CSMD1: variants seen among roughly 807,000 people sequenced by gnomAD.
The protein encoded by CSMD1 is CUB and sushi domain-containing protein 1.
CSMD1 carries 213 observed loss-of-function variants against 417.5 expected under a neutral mutation model. The observed-to-expected ratio is 0.51, with a 90% CI of 0.46 to 0.57. The LOEUF is 0.57. Ranked by LOEUF, CSMD1 falls within the 20% of genes least tolerant of loss-of-function variation. The pLI, the probability that CSMD1 is intolerant of heterozygous loss-of-function variation, is 0.00. For synonymous variants in CSMD1, 2,862 were observed against 1,736.8 expected, an observed-to-expected ratio of 1.65 and a Z score of -16.11; for missense variants, 6,923 against 4,529.7, an observed-to-expected ratio of 1.53 and a Z score of -15.17.
intron 50 of CSMD1, among the ~76,000 whole-genome samples, chr8:3,031,742 G>C (rs1216357239): frequency 6.6e-6 from 1 of 151,870 alleles, no homozygotes; most frequent in Non-Finnish European, 1.5e-5. Context: ...ACAATTTTTT[G>C]AGCTGATACC....
At chr8:4,631,836 G>A (rs894001448) in intron 2 of CSMD1, among the ~76,000 whole-genome samples, 8 of 152,136 alleles carry the variant, frequency 5.3e-5, no homozygotes, top group African/African-American at 1.9e-4. Flanking sequence ...CGACGAACTC[G>A]AGATAAATGC....
chr8:4,450,028 G>A (rs1439633803), intron 2 of CSMD1, among the ~76,000 whole-genome samples: 1 of 152,146 alleles, frequency 6.6e-6, no homozygotes, highest in Admixed American at 6.6e-5. Flanking sequence ...TGGGTGTCCT[G>A]TCCTTGATGA....
At chr8:4,660,913 A>G (rs1023828508) in intron 1 of CSMD1, among the ~76,000 whole-genome samples, 1 of 152,212 alleles carries the variant, frequency 6.6e-6, no homozygotes. Context: ...AACTACAATG[A>G]GATATCACTT....
At chr8:4,329,199 G>A (rs1799727138) in intron 3 of CSMD1, among the ~76,000 whole-genome samples, 1 of 152,118 alleles carries the variant, frequency 6.6e-6, no homozygotes, top group South Asian at 2.1e-4. Context: ...GTATAGAGAT[G>A]TTTCCAATAC....
chr8:3,236,324 C>G (rs1320506978), intron 26 of CSMD1, among the ~76,000 whole-genome samples: 14 of 151,960 alleles, frequency 9.2e-5, no homozygotes, highest in African/African-American at 3.4e-4. Flanking sequence ...ACTACTAAGG[C>G]TTACTTAAGT....
chr8:4,360,553 G>A (rs568909416), intron 3 of CSMD1, among the ~76,000 whole-genome samples: 1 of 152,098 alleles, frequency 6.6e-6, no homozygotes, highest in Non-Finnish European at 1.5e-5. Flanking sequence ...GCAGTGGCGC[G>A]ATCTCGGCTC....
chr8:4,315,820 T>G, intron 3 of CSMD1, among the ~76,000 whole-genome samples: 1 of 152,176 alleles, frequency 6.6e-6, no homozygotes, highest in Non-Finnish European at 1.5e-5. Context: ...TCTTTATTCT[T>G]CAGAAGCGTT....
chr8:2,989,527 T>C (rs1358166405), intron 54 of CSMD1, among the ~76,000 whole-genome samples: 7 of 152,212 alleles, frequency 4.6e-5, no homozygotes, highest in East Asian at 1.9e-4. Context: ...AGTTTGTTTC[T>C]ATTTTTCTAG....
intron 7 of CSMD1, among the ~76,000 whole-genome samples, chr8:3,675,911 A>C (rs1358038160): frequency 6.6e-6 from 1 of 152,188 alleles, no homozygotes; most frequent in Non-Finnish European, 1.5e-5. Context: ...CTCTCTCAGC[A>C]CTGTCCCATC....
chr8:3,752,689 A>AC (rs1316031105), intron 6 of CSMD1, among the ~76,000 whole-genome samples: 12 of 66,322 alleles, frequency 1.8e-4, no homozygotes, highest in African/African-American at 3.5e-4. Flanking sequence ...AAAAAAAAAA[A>AC]AAAAAAAAAA....
chr8:4,213,004 C>G (rs1007756783), intron 3 of CSMD1, among the ~76,000 whole-genome samples: 14 of 152,158 alleles, frequency 9.2e-5, no homozygotes, highest in African/African-American at 3.1e-4. Context: ...GCCTCTCAGT[C>G]TTTGTTTTCT....
chr8:3,784,195 G>A (rs929785146), intron 5 of CSMD1, among the ~76,000 whole-genome samples: 6 of 152,122 alleles, frequency 3.9e-5, no homozygotes. Context: ...CTTGGGAAAG[G>A]GGTGGGTACC....
At chr8:3,245,459 G>T (rs1263163198) in intron 26 of CSMD1, among the ~76,000 whole-genome samples, 2 of 152,188 alleles carry the variant, frequency 1.3e-5, no homozygotes, top group African/African-American at 4.8e-5. Flanking sequence ...TACTTTCTCA[G>T]TTCCTTTGAA....
intron 32 of CSMD1, among the ~76,000 whole-genome samples, chr8:3,200,690 G>T (rs1018124510): frequency 1.3e-5 from 2 of 152,062 alleles, no homozygotes; most frequent in Non-Finnish European, 2.9e-5. Flanking sequence ...AGAGGACAAT[G>T]TGTTACTAAT....
At chr8:3,555,491 G>A (rs748493503) in intron 10 of CSMD1, among the ~76,000 whole-genome samples, 1 of 152,154 alleles carries the variant, frequency 6.6e-6, no homozygotes, top group Non-Finnish European at 1.5e-5. Flanking sequence ...ATGCTGACAG[G>A]TTTAAATTCT....
At chr8:3,998,147 C>T (rs191046822) in intron 4 of CSMD1, 37 bp from the exon 5 acceptor site, 111 of 1,524,594 alleles carry the variant, frequency 7.3e-5, no homozygotes, top group East Asian at 2.5e-5. Flanking sequence ...CATCACATTT[C>T]AGGATGGTTT....
At chr8:4,691,911 ATTT>A (rs956441996) in intron 1 of CSMD1, among the ~76,000 whole-genome samples, 2 of 152,144 alleles carry the variant, frequency 1.3e-5, no homozygotes, top group African/African-American at 4.8e-5. Context: ...GTTTGGGGAC[ATTT>A]TCTCCTCACT....
intron 2 of CSMD1, among the ~76,000 whole-genome samples, chr8:4,476,343 G>T (rs1012199336): frequency 6.6e-6 from 1 of 152,090 alleles, no homozygotes; most frequent in Non-Finnish European, 1.5e-5. Flanking sequence ...AGGATCATAA[G>T]AATATGGTAT....
chr8:4,481,207 AC>A (rs1376606099), intron 2 of CSMD1, among the ~76,000 whole-genome samples: 1 of 152,184 alleles, frequency 6.6e-6, no homozygotes, highest in Non-Finnish European at 1.5e-5. Flanking sequence ...GTTTAGCTTT[AC>A]CTTCCTATCA....
Sources: gnomAD v4.1 joint callset for allele counts (sites outside exome capture counted in the v4.1 genomes callset) on GRCh38, gnomAD v4.1.1 for gene constraint, MANE v1.5 for transcripts, NCBI Gene and HGNC (gene_info 2026-07-23, HGNC 2026-07-21) for gene names.